SEPHS1: variants seen among roughly 807,000 people sequenced by gnomAD.
SEPHS1 encodes zincore component SEPHS1.
SEPHS1 carries 7 observed loss-of-function variants against 39.2 expected under a neutral mutation model. The observed-to-expected ratio is 0.18, with a 90% CI of 0.10 to 0.34. The LOEUF (loss-of-function observed/expected upper bound fraction) is 0.34. Ranked by LOEUF, SEPHS1 falls within the 10% of genes least tolerant of loss-of-function variation. The pLI is 1.00. For missense variants in SEPHS1, 253 were observed against 514.5 expected (o/e 0.49, Z 4.92); for synonymous variants, 190 against 195.5 (o/e 0.97, Z 0.23).
chr10:13,339,101 T>C (rs1271180504), intron 2 of SEPHS1, among the ~76,000 whole-genome samples: 1 of 152,246 alleles, frequency 6.6e-6, no homozygotes. Flanking sequence ...GTATGACTTT[T>C]ATTATTTTAC....
chr10:13,319,733 G>C (rs1458264494), intron 8 of SEPHS1, among the ~76,000 whole-genome samples: 1 of 152,160 alleles, frequency 6.6e-6, no homozygotes. Context: ...ACCTGCCTTG[G>C]CCTCCCAAAG....
intron 5 of SEPHS1, 40 bp downstream of exon 5, chr10:13,333,777 G>A (rs990565039): frequency 1.2e-6 from 2 of 1,601,960 alleles, no homozygotes; most frequent in African/African-American, 2.7e-5. Context: ...GACAGAGAGA[G>A]AAAAACAGGT....
At chr10:13,334,107 G>A in intron 4 of SEPHS1, 136 bp from the exon 5 acceptor site, 1 of 750,058 alleles carries the variant, frequency 1.3e-6, no homozygotes, top group Non-Finnish European at 2.1e-6. Context: ...GACAGGGAAG[G>A]TTGTTAGGGG....
In SEPHS1 at chr10:13,322,920, G is replaced by C; in HGVS notation, c.879C>G (p.Leu293=). ...RNEVSFVIHN[L]PVLAKMAAVS... is the part of the protein sequence containing the mutation. ...CCGCAGCCATCTTGGCCAGCACCGG[G>C]AGGTTGTGAATTACAAACGACACCT... The change falls in exon 8 of 9, where the codon CTC becomes CTG. Residue 293 remains leucine (L), a synonymous_variant. Transcript: ENST00000327347. 14 of 1,614,010 alleles carry C rather than the reference G, an allele frequency of 8.7e-6. No homozygotes were observed. Among genetic ancestry groups the C allele is most frequent in the Non-Finnish European group, 1.1e-5 (13 of 1,179,892 alleles).
intron 3 of SEPHS1, among the ~76,000 whole-genome samples, chr10:13,337,027 T>A (rs1296063028): frequency 5.3e-5 from 8 of 152,190 alleles, no homozygotes; most frequent in Admixed American, 5.2e-4. Context: ...GGTGCACACC[T>A]GTAGTCTCAG....
chr10:13,330,666 C>A (rs774116919), intron 5 of SEPHS1, among the ~76,000 whole-genome samples: 12 of 152,120 alleles, frequency 7.9e-5, no homozygotes, highest in Non-Finnish European at 1.8e-4. Flanking sequence ...GACTTCAATA[C>A]CAACACCCAG....
intron 4 of SEPHS1, among the ~76,000 whole-genome samples, chr10:13,335,256 C>A (rs1833591256): frequency 6.6e-6 from 1 of 152,246 alleles, no homozygotes; most frequent in African/African-American, 2.4e-5. Flanking sequence ...CATCTACGTC[C>A]ACGACATCCC....
chr10:13,320,392 A>G (rs1009374645), intron 8 of SEPHS1, among the ~76,000 whole-genome samples: 2 of 151,834 alleles, frequency 1.3e-5, no homozygotes, highest in African/African-American at 4.8e-5. Context: ...CGTGTTAGCC[A>G]GGATGGTCTC....
intron 1 of SEPHS1, among the ~76,000 whole-genome samples, chr10:13,346,128 CAATA>C (rs1833915383): frequency 6.6e-6 from 1 of 152,170 alleles, no homozygotes; most frequent in Admixed American, 6.5e-5. Context: ...AGAACCGAAA[CAATA>C]AATTAAGCCA....
chr10:13,319,600 A>T (rs1220563444), intron 8 of SEPHS1, among the ~76,000 whole-genome samples: 1 of 152,062 alleles, frequency 6.6e-6, no homozygotes, highest in African/African-American at 2.4e-5. Context: ...TGACCCTCCC[A>T]CTTCAGCTTT....
intron 2 of SEPHS1, among the ~76,000 whole-genome samples, chr10:13,343,903 TCA>T (rs1377540579): frequency 4.6e-5 from 7 of 152,278 alleles, no homozygotes; most frequent in South Asian, 2.1e-4. Context: ...AGAAAAGTGA[TCA>T]CAGTCTTGTA....
Position 13,345,248 on chromosome 10 carries a change from G to T in SEPHS1, c.-78-220C>A, listed in dbSNP as rs146266797. 4.0e-5 allele frequency: 9 copies of T among 226,902 alleles called. No homozygotes were observed. In the East Asian group the frequency reaches 8.0e-4, roughly 20 times the overall value. The allele number at this position is 226,902 out of a possible 1,614,324, so 14.1% of individuals were successfully genotyped here. On this transcript the variant is annotated intron_variant, in intron 1 of 8. Coordinates refer to ENST00000327347, the MANE Select transcript of SEPHS1 (RefSeq NM_012247.5). ...ATGTAAAATCTGACATCTGGACTGTGGTTTTAACTGTGGCAAGAGGGCCAG... is the reference window on the plus strand; with the variant it reads ...ATGTAAAATCTGACATCTGGACTGTTGTTTTAACTGTGGCAAGAGGGCCAG...
chr10:13,340,765 G>A (rs555604175), intron 2 of SEPHS1: 1 of 152,320 alleles, frequency 6.6e-6, no homozygotes, highest in East Asian at 1.9e-4. Context: ...TCTTGAGCAC[G>A]CCCCTAGGGC....
intron 7 of SEPHS1, among the ~76,000 whole-genome samples, chr10:13,325,946 C>CAAAAAAAAAAAAA (rs201372928): frequency 2.9e-5 from 1 of 34,354 alleles, no homozygotes; most frequent in African/African-American, 1.7e-4. Flanking sequence ...GACTCAGTCT[C>CAAAAAAAAAAAAA]AAAAAAAAAA....
At chr10:13,322,143 CTT>C (rs56709546) in intron 8 of SEPHS1, 30,896 of 310,758 alleles carry the variant, frequency 0.099, no homozygotes, top group South Asian at 0.16. Context: ...ATTCTCTTTT[CTT>C]TTTTTTTTTT....
intron 5 of SEPHS1, 151 bp downstream of exon 5, chr10:13,333,666 C>G (rs1056802909): frequency 1.4e-6 from 1 of 714,540 alleles, no homozygotes; most frequent in East Asian, 2.9e-5. Flanking sequence ...GTCTCAAACT[C>G]CTGACCTCAG....
chr10:13,346,385 G>A (rs566171259), intron 1 of SEPHS1, among the ~76,000 whole-genome samples: 16 of 152,182 alleles, frequency 1.1e-4, no homozygotes, highest in East Asian at 1.9e-4. Flanking sequence ...CCATCCCTTG[G>A]GACGCACATC....
intron 8 of SEPHS1, 82 bp downstream of exon 8, chr10:13,322,753 C>G (rs1833152875): frequency 7.4e-7 from 1 of 1,351,618 alleles, no homozygotes; most frequent in Admixed American, 1.9e-5. Flanking sequence ...TGGGGGCCCA[C>G]TCGGGGTGGG....
chr10:13,320,197 T>A (rs1196142481), intron 8 of SEPHS1, among the ~76,000 whole-genome samples: 1 of 152,140 alleles, frequency 6.6e-6, no homozygotes, highest in Non-Finnish European at 1.5e-5. Context: ...ATTTTTTTTT[T>A]TTTTGAGACG....
Sources: allele counts gnomAD v4.1 joint callset (sites outside exome capture counted in the v4.1 genomes callset), GRCh38; gene constraint gnomAD v4.1.1; transcripts MANE v1.5; gene names NCBI Gene and HGNC (gene_info 2026-07-23, HGNC 2026-07-21).